COL19A1: variants seen among roughly 807,000 people sequenced by gnomAD.
COL19A1 encodes the protein collagen type XIX alpha 1 chain, also known as collagen alpha-1(XIX) chain.
A neutral mutation model predicts 190.2 loss-of-function variants in COL19A1; 159 were observed. That is an observed-to-expected ratio of 0.84 (90% CI 0.73 to 0.95). COL19A1 has a LOEUF of 0.95. Among genes scored for constraint, COL19A1 ranks in the 40% least tolerant of loss-of-function variants. The pLI, the probability that COL19A1 is intolerant of heterozygous loss-of-function variation, is 0.00. For missense variants in COL19A1, 1,418 were observed against 1,431.9 expected (o/e 0.99, Z 0.16); for synonymous variants, 509 against 458.9 (o/e 1.11, Z -1.39).
chr6:69,916,336 A>G (rs1343425679), intron 4 of COL19A1, among the ~76,000 whole-genome samples: 1 of 152,226 alleles, frequency 6.6e-6, no homozygotes, highest in African/African-American at 2.4e-5. Flanking sequence ...CAGGACTTAA[A>G]ATAAAAATGA....
chr6:70,182,159 C>T (rs1432261712), intron 44 of COL19A1, among the ~76,000 whole-genome samples: 2 of 151,966 alleles, frequency 1.3e-5, no homozygotes, highest in African/African-American at 2.4e-5. Flanking sequence ...ATCATCTCCA[C>T]GAGAAGTAAT....
chr6:70,023,771 G>GAGCC, intron 12 of COL19A1, 91 bp downstream of exon 12: 1 of 1,160,460 alleles, frequency 8.6e-7, no homozygotes, highest in South Asian at 1.5e-5. Context: ...ATTTTTGGCA[G>GAGCC]AGCCAGCCAG....
intron 11 of COL19A1, among the ~76,000 whole-genome samples, chr6:69,989,259 A>G (rs931891926): frequency 2.4e-4 from 36 of 152,320 alleles, no homozygotes; most frequent in African/African-American, 8.2e-4. Flanking sequence ...TCAATGGCTA[A>G]AAGAGCATGT....
At chr6:70,096,035 G>T (rs1206306307) in intron 15 of COL19A1, among the ~76,000 whole-genome samples, 5 of 151,062 alleles carry the variant, frequency 3.3e-5, no homozygotes, top group African/African-American at 1.2e-4. Flanking sequence ...GTTTCCAATT[G>T]TTGGAGTATA....
In COL19A1 at chr6:69,938,474, A is replaced by G. The variant is rs59502420; in HGVS notation, c.936+374A>G. Among the ~76,000 whole-genome samples, 1,237 of 150,628 alleles carry G rather than the reference A, an allele frequency of 8.2e-3. 17 individuals are homozygous for G. Among genetic ancestry groups the G allele is most frequent in the African/African-American group, 0.026 (1,062 of 41,024 alleles). ...GTCTTTTGATACATCCCCACCAGAG[A>G]TTTTTCTGTAGCTCTCTACCTTTTT... On this transcript the variant is annotated intron_variant, in intron 9 of 50. Transcript: ENST00000620364.
chr6:70,096,046 T>A (rs914858917), intron 15 of COL19A1, among the ~76,000 whole-genome samples: 55 of 151,844 alleles, frequency 3.6e-4, no homozygotes, highest in African/African-American at 1.3e-3. Context: ...TTGGAGTATA[T>A]AACCAGAAAT....
intron 41 of COL19A1, 57 bp from the exon 42 acceptor site, chr6:70,176,463 C>T: frequency 3.2e-6 from 5 of 1,548,092 alleles, no homozygotes; most frequent in Non-Finnish European, 4.4e-6. Context: ...GAATTAATTT[C>T]ATAACTAAAG....
chr6:70,121,773 T>C, intron 16 of COL19A1, 107 bp from the exon 17 acceptor site: 1 of 700,238 alleles, frequency 1.4e-6, no homozygotes. Context: ...AATAGACAAG[T>C]CCTTTTTCTT....
At chr6:69,885,371 T>C (rs1324582055) in intron 2 of COL19A1, among the ~76,000 whole-genome samples, 2 of 152,238 alleles carry the variant, frequency 1.3e-5, no homozygotes, top group Non-Finnish European at 2.9e-5. Flanking sequence ...AAATAAATTT[T>C]ATTGTGTATA....
At chr6:69,938,626 C>T (rs1272941321) in intron 9 of COL19A1, among the ~76,000 whole-genome samples, 1 of 151,954 alleles carries the variant, frequency 6.6e-6, no homozygotes, top group Admixed American at 6.6e-5. Context: ...AGAAAGAGAT[C>T]GTGGAAAATT....
chr6:69,942,740 ATGTGTGTGTG>A (rs35406948), intron 9 of COL19A1, among the ~76,000 whole-genome samples: 108 of 146,684 alleles, frequency 7.4e-4, no homozygotes, highest in African/African-American at 2.4e-3. Context: ...CATTGTGTGT[ATGTGTGTGTG>A]TGTGTGTGTG....
At chr6:69,914,642 G>A (rs1771174813) in intron 4 of COL19A1, among the ~76,000 whole-genome samples, 2 of 148,218 alleles carry the variant, frequency 1.3e-5, no homozygotes, top group Admixed American at 6.7e-5. Flanking sequence ...GCTTGGTCTT[G>A]TTAAACAAAT....
intron 12 of COL19A1, among the ~76,000 whole-genome samples, chr6:70,031,322 T>C (rs75055166): frequency 0.036 from 5,477 of 152,188 alleles, 323 homozygotes; most frequent in African/African-American, 0.12. Context: ...TCAGGATGTT[T>C]AGGTTGTCCA....
intron 15 of COL19A1, among the ~76,000 whole-genome samples, chr6:70,098,844 A>T (rs945028540): frequency 6.6e-6 from 1 of 152,012 alleles, no homozygotes; most frequent in Non-Finnish European, 1.5e-5. Flanking sequence ...GAAACAAGAC[A>T]AGGGAGTTAA....
intron 34 of COL19A1, among the ~76,000 whole-genome samples, chr6:70,161,610 C>T (rs1787810775): frequency 6.6e-6 from 1 of 152,058 alleles, no homozygotes; most frequent in Non-Finnish European, 1.5e-5. Flanking sequence ...TGAAAAACTA[C>T]CTATTGGGTA....
intron 1 of COL19A1, among the ~76,000 whole-genome samples, chr6:69,875,258 A>G (rs1221909140): frequency 2.0e-5 from 3 of 152,140 alleles, no homozygotes; most frequent in Non-Finnish European, 4.4e-5. Flanking sequence ...ACTGGAAAGA[A>G]TGGTACCATA....
At chr6:69,979,117 T>C (rs1775892947) in intron 11 of COL19A1, among the ~76,000 whole-genome samples, 1 of 151,966 alleles carries the variant, frequency 6.6e-6, no homozygotes, top group Admixed American at 6.6e-5. Flanking sequence ...CCAGGACTAA[T>C]TGGGTTTTTC....
At chr6:69,980,758 T>C (rs1562055989) in intron 11 of COL19A1, among the ~76,000 whole-genome samples, 1 of 152,184 alleles carries the variant, frequency 6.6e-6, no homozygotes, top group African/African-American at 2.4e-5. Flanking sequence ...CTAGTAAACA[T>C]GTGTAAGGCT....
At chr6:69,992,209 G>A (rs1326487115) in intron 11 of COL19A1, among the ~76,000 whole-genome samples, 1 of 151,970 alleles carries the variant, frequency 6.6e-6, no homozygotes, top group African/African-American at 2.4e-5. Context: ...GATGGTTGTA[G>A]GTATGCATCT....
Sources: gnomAD v4.1 joint callset for allele counts (sites outside exome capture counted in the v4.1 genomes callset) on GRCh38, gnomAD v4.1.1 for gene constraint, MANE v1.5 for transcripts, NCBI Gene and HGNC (gene_info 2026-07-23, HGNC 2026-07-21) for gene names.